The following NLRP14 variants were observed in gnomAD, a reference collection of about 807,000 sequenced individuals.
The protein encoded by NLRP14 is NACHT, LRR and PYD domains-containing protein 14.
A neutral mutation model predicts 94.7 loss-of-function variants in NLRP14; 105 were observed. The observed-to-expected ratio is 1.11, with a 90% CI of 0.95 to 1.30. NLRP14 has a LOEUF of 1.30. NLRP14 is among the 50% of genes most tolerant of loss of function. The pLI, the probability that NLRP14 is intolerant of heterozygous loss-of-function variation, is 0.00. For missense variants in NLRP14, 1,362 were observed against 1,254.1 expected, an observed-to-expected ratio of 1.09 and a Z score of -1.30; for synonymous variants, 508 against 459.9, an observed-to-expected ratio of 1.10 and a Z score of -1.34.
intron 1 of NLRP14, among the ~76,000 whole-genome samples, chr11:7,029,791 T>G (rs1852066086): frequency 1.3e-5 from 2 of 152,210 alleles, no homozygotes; most frequent in Non-Finnish European, 2.9e-5. Flanking sequence ...GAGTTTACCT[T>G]TTCTCTCACC....
intron 11 of NLRP14, 120 bp from the exon 12 acceptor site, chr11:7,071,053 T>C (rs1852788166): frequency 9.0e-7 from 1 of 1,115,862 alleles, no homozygotes. Context: ...CATGTTATAA[T>C]ATTATCTCTC....
rs200092953 is a variant in NLRP14, at chr11:7,051,725, C to T, written c.2291+1887C>T. 3.3e-5 allele frequency among the ~76,000 whole-genome samples: 5 copies of T among 152,234 alleles called. No homozygotes were observed. In the East Asian group the frequency reaches 7.7e-4, roughly 24 times the overall value. On this transcript the variant is annotated intron_variant, in intron 6 of 11. Transcript: ENST00000299481. ...TCCACCTCTGCCTCCTGGGTTCAAGCGATTCTCCTGCCTCAGCCTCCTGAG... is the reference window on the plus strand; with the variant it reads ...TCCACCTCTGCCTCCTGGGTTCAAGTGATTCTCCTGCCTCAGCCTCCTGAG...
intron 1 of NLRP14, among the ~76,000 whole-genome samples, chr11:7,030,558 A>G (rs1222591543): frequency 6.8e-6 from 1 of 146,086 alleles, no homozygotes; most frequent in Non-Finnish European, 1.5e-5. Context: ...CCCCACTCTG[A>G]TTTTCTCCAT....
chr11:7,032,681 C>G (rs918918194), intron 1 of NLRP14, among the ~76,000 whole-genome samples: 4 of 152,132 alleles, frequency 2.6e-5, no homozygotes, highest in Non-Finnish European at 5.9e-5. Context: ...TGAAAATTTT[C>G]TGAAATACTT....
At chr11:7,025,136 G>C (rs1005076000) in intron 1 of NLRP14, among the ~76,000 whole-genome samples, 2 of 152,184 alleles carry the variant, frequency 1.3e-5, no homozygotes, top group Middle Eastern at 3.4e-3. Context: ...AGACACACTA[G>C]ACATAAAAAG....
intron 4 of NLRP14, among the ~76,000 whole-genome samples, chr11:7,045,133 G>A (rs1852329336): frequency 6.6e-6 from 1 of 152,164 alleles, no homozygotes; most frequent in African/African-American, 2.4e-5. Context: ...TTTCTTATAA[G>A]AGCATACATT....
At chr11:7,032,323 C>T (rs1043046698) in intron 1 of NLRP14, among the ~76,000 whole-genome samples, 1 of 152,102 alleles carries the variant, frequency 6.6e-6, no homozygotes, top group Admixed American at 6.6e-5. Flanking sequence ...ATTTTCATGA[C>T]TAAAAATCAA....
At chr11:7,027,174 T>G (rs1462785060) in intron 1 of NLRP14, among the ~76,000 whole-genome samples, 1 of 151,448 alleles carries the variant, frequency 6.6e-6, no homozygotes, top group African/African-American at 2.4e-5. Context: ...CTCTATACTA[T>G]ATCCTTCCCA....
At chr11:7,076,896 A>T in the NLRP14 span, among the ~76,000 whole-genome samples, 1 of 152,240 alleles carries the variant, frequency 6.6e-6, no homozygotes, top group African/African-American at 2.4e-5. Flanking sequence ...GAATGAATGA[A>T]GAATGAATAG....
chr11:7,023,138 T>C (rs1310604213), intron 1 of NLRP14, among the ~76,000 whole-genome samples: 1 of 151,484 alleles, frequency 6.6e-6, no homozygotes, highest in Non-Finnish European at 1.5e-5. Context: ...AAATTGAGAA[T>C]GTAATAGGTG....
At chr11:7,084,067 C>T in the NLRP14 span, among the ~76,000 whole-genome samples, 446 of 152,264 alleles carry the variant, frequency 2.9e-3, 3 homozygotes, top group African/African-American at 0.01. Flanking sequence ...TTATGTTCTT[C>T]AAACATAGAG....
chr11:7,082,055 C>T, the NLRP14 span, among the ~76,000 whole-genome samples: 1 of 152,130 alleles, frequency 6.6e-6, no homozygotes, highest in Admixed American at 6.5e-5. Context: ...TAACAAAAGA[C>T]AGTCCTACCA....
intron 1 of NLRP14, among the ~76,000 whole-genome samples, chr11:7,028,605 G>A (rs1404296981): frequency 6.6e-6 from 1 of 152,120 alleles, no homozygotes; most frequent in Non-Finnish European, 1.5e-5. Flanking sequence ...TGAAAGCCAA[G>A]GAATTACAGT....
At chr11:7,039,858 G>T in intron 3 of NLRP14, 73 bp downstream of exon 3, 1 of 1,160,036 alleles carries the variant, frequency 8.6e-7, no homozygotes, top group Non-Finnish European at 1.3e-6. Context: ...TTTATCTCCC[G>T]AGGACTTTTG....
rs770713207 is a variant in NLRP14, at chr11:7,043,424, T to A, written c.1398T>A (p.Ile466=). Residue 466 remains isoleucine (I), a synonymous_variant, in exon 4 of 12, where the codon ATT becomes ATA. Transcript: ENST00000299481. ...DVSSFMDSNI[I]QKDAEYENCY... ...CTAGTTTTATGGACAGCAATATTAT[T>A]CAGAAGGACGCAGAGTATGAAAACT... The A allele has an allele frequency of 8.7e-6, 14 of 1,614,038 alleles. No homozygotes were observed. Among genetic ancestry groups the A allele is most frequent in the Non-Finnish European group, 1.2e-5 (14 of 1,180,018 alleles).
chr11:7,075,700 A>G (rs1209632765), downstream of NLRP14, among the ~76,000 whole-genome samples: 1 of 152,202 alleles, frequency 6.6e-6, no homozygotes, highest in African/African-American at 2.4e-5. Context: ...GAATATAGTC[A>G]CTAGTAATTG....
chr11:7,061,697 G>T (rs1191334014), intron 9 of NLRP14, among the ~76,000 whole-genome samples: 1 of 152,064 alleles, frequency 6.6e-6, no homozygotes, highest in Non-Finnish European at 1.5e-5. Flanking sequence ...TGGAGACAGA[G>T]TTACTTTAGG....
chr11:7,021,081 T>G (rs1270992503), intron 1 of NLRP14, among the ~76,000 whole-genome samples: 1 of 152,162 alleles, frequency 6.6e-6, no homozygotes, highest in East Asian at 1.9e-4. Context: ...TTCAAACATT[T>G]TATTAGGCAA....
chr11:7,032,883 A>G (rs1441650139), intron 1 of NLRP14, among the ~76,000 whole-genome samples: 1 of 152,228 alleles, frequency 6.6e-6, no homozygotes, highest in Non-Finnish European at 1.5e-5. Context: ...TTGGTAAATG[A>G]TTACCAAGTG....
Sources: gnomAD v4.1 joint callset for allele counts (sites outside exome capture counted in the v4.1 genomes callset) on GRCh38, gnomAD v4.1.1 for gene constraint, MANE v1.5 for transcripts, NCBI Gene and HGNC (gene_info 2026-07-23, HGNC 2026-07-21) for gene names.